The following SPATA13 variants were observed in gnomAD, a reference collection of about 807,000 sequenced individuals.
The protein encoded by SPATA13 is spermatogenesis associated 13.
In SPATA13, 50 loss-of-function variants were observed where a neutral mutation model predicts 104.0. That is an observed-to-expected ratio of 0.48 (90% CI 0.38 to 0.61). The LOEUF (loss-of-function observed/expected upper bound fraction) is 0.61. SPATA13 is among the 20% of genes least tolerant of loss of function. The pLI is 0.00. For missense variants in SPATA13, 1,524 were observed against 1,690.6 expected, an observed-to-expected ratio of 0.90 and a Z score of 1.73; for synonymous variants, 606 against 667.5, an observed-to-expected ratio of 0.91 and a Z score of 1.42.
intron 1 of SPATA13, among the ~76,000 whole-genome samples, chr13:24,196,456 A>C (rs1870062093): frequency 6.6e-6 from 1 of 152,212 alleles, no homozygotes; most frequent in African/African-American, 2.4e-5. Flanking sequence ...GTACTAGAAA[A>C]TGTTCCAATT....
At chr13:24,065,818 A>G (rs1409020) in intron 3 of SPATA13, among the ~76,000 whole-genome samples, 136,483 of 152,222 alleles carry the variant, frequency 0.9, 61,796 homozygotes, top group South Asian at 0.98. Flanking sequence ...TTCTCAACTA[A>G]GTTTTTAAAA....
chr13:24,068,305 A>G (rs1183314286), intron 3 of SPATA13, among the ~76,000 whole-genome samples: 3 of 152,110 alleles, frequency 2.0e-5, no homozygotes, highest in Non-Finnish European at 2.9e-5. Context: ...TGACCTCCCT[A>G]CAGAAGACAT....
At chr13:24,248,292 C>G (rs544085146) in intron 2 of SPATA13, among the ~76,000 whole-genome samples, 9 of 152,236 alleles carry the variant, frequency 5.9e-5, no homozygotes, top group Non-Finnish European at 1.3e-4. Context: ...ATTGTTGCGT[C>G]TCATCCTTCT....
rs75961756 is a variant in SPATA13, at chr13:24,092,947, G to A, written c.-112+75246G>A. The stretch of plus-strand genomic sequence containing the variant: ...TGTTTGGCATCTTCTCATTAACGTT[G>A]CAGATGACTATTTTCTTACACAGAG... On this transcript the variant is annotated intron_variant, in intron 3 of 14. Transcript: ENST00000424834. 9.0e-3 allele frequency among the ~76,000 whole-genome samples: 1,364 copies of A among 152,284 alleles called. 21 individuals carry two copies. The highest frequency in any genetic ancestry group is 0.067 in the East Asian group (346 of 5,186).
At chr13:24,026,735 G>A (rs1877233213) in intron 3 of SPATA13, among the ~76,000 whole-genome samples, 1 of 152,048 alleles carries the variant, frequency 6.6e-6, no homozygotes, top group Admixed American at 6.5e-5. Context: ...CCGCCACCAC[G>A]TCCAGCTAAT....
rs1016629501 is a variant in SPATA13, at chr13:24,194,285, A to G, written c.-111-28534A>G. The stretch of plus-strand genomic sequence containing the variant: ...TCCTGAATGTTGTTGCATCATTTCA[A>G]ATATATGACTTACAAAAGAAGAAAA... On this transcript the variant is annotated intron_variant, in intron 1 of 12. Transcript: ENST00000382108. 2.0e-5 allele frequency among the ~76,000 whole-genome samples: 3 copies of G among 152,232 alleles called. No homozygotes were observed. In the South Asian group the frequency reaches 6.2e-4, roughly 32 times the overall value.
intron 1 of SPATA13, among the ~76,000 whole-genome samples, chr13:24,189,313 T>A (rs1231236593): frequency 6.6e-6 from 1 of 151,374 alleles, no homozygotes; most frequent in African/African-American, 2.4e-5. Context: ...CTACTAGAAA[T>A]ACTAAAAGTT....
chr13:24,191,501 C>CTTT (rs57437676), intron 1 of SPATA13, among the ~76,000 whole-genome samples: 6 of 67,422 alleles, frequency 8.9e-5, no homozygotes, highest in African/African-American at 3.0e-4. Flanking sequence ...ACATTGCTTT[C>CTTT]TTTTTTTTTT....
At chr13:24,016,962 A>G (rs1301196419) in intron 2 of SPATA13, among the ~76,000 whole-genome samples, 1 of 152,206 alleles carries the variant, frequency 6.6e-6, no homozygotes, top group Admixed American at 6.5e-5. Context: ...GAGCCCATGG[A>G]GGGTGTGATG....
At chr13:24,112,793 G>A (rs559591872) in intron 3 of SPATA13, among the ~76,000 whole-genome samples, 7 of 152,248 alleles carry the variant, frequency 4.6e-5, no homozygotes, top group South Asian at 2.1e-4. Flanking sequence ...TCCATGTCTC[G>A]TAGTAGTATG....
intron 3 of SPATA13, among the ~76,000 whole-genome samples, chr13:24,045,228 A>G (rs1327625267): frequency 6.6e-6 from 1 of 152,172 alleles, no homozygotes; most frequent in Non-Finnish European, 1.5e-5. Flanking sequence ...ATTTCCTTTT[A>G]TCAGATAAGA....
chr13:24,082,268 C>T (rs145402091), intron 3 of SPATA13, among the ~76,000 whole-genome samples: 1,775 of 152,308 alleles, frequency 0.012, 68 homozygotes, highest in Admixed American at 0.082. Flanking sequence ...CGTAAGTGTT[C>T]TGTGGCAGGG....
At chr13:23,986,292 C>T (rs1875147124) in intron 2 of SPATA13, among the ~76,000 whole-genome samples, 1 of 152,110 alleles carries the variant, frequency 6.6e-6, no homozygotes, top group South Asian at 2.1e-4. Context: ...AAAATTGGGG[C>T]ATCTAAGAAT....
chr13:24,087,311 CT>C (rs963670673), intron 3 of SPATA13, among the ~76,000 whole-genome samples: 2 of 152,142 alleles, frequency 1.3e-5, no homozygotes, highest in Admixed American at 6.5e-5. Flanking sequence ...CCTGCACACT[CT>C]GCAAAGCATT....
intron 3 of SPATA13, among the ~76,000 whole-genome samples, chr13:24,039,753 A>T (rs1877844228): frequency 6.6e-6 from 1 of 152,106 alleles, no homozygotes; most frequent in Non-Finnish European, 1.5e-5. Flanking sequence ...GGTTGGGGGA[A>T]TTCTGTAGTT....
intron 1 of SPATA13, among the ~76,000 whole-genome samples, chr13:24,200,044 C>A (rs1472486121): frequency 6.6e-6 from 1 of 152,202 alleles, no homozygotes; most frequent in African/African-American, 2.4e-5. Flanking sequence ...GGTCCCTTCC[C>A]ATGGCTCTTG....
chr13:23,997,745 G>T lies in SPATA13; in HGVS notation c.-147+13812G>T, dbSNP rs540282188. On this transcript the variant is annotated intron_variant, in intron 2 of 14. Transcript: ENST00000424834. ...GGCAAGAGAGGGAACAAGGGAGTGA[G>T]GGGGAGGTGCCAGCCTCTATAAACA... Among the ~76,000 whole-genome samples the T allele has an allele frequency of 7.0e-4, 107 of 152,164 alleles. No individual in the cohort carries two copies. In the South Asian group the frequency reaches 0.021, roughly 30 times the overall value.
chr13:24,019,630 G>A (rs1452351533), intron 3 of SPATA13, among the ~76,000 whole-genome samples: 1 of 151,916 alleles, frequency 6.6e-6, no homozygotes, highest in Non-Finnish European at 1.5e-5. Flanking sequence ...CCTCTTGTGT[G>A]TACTTTATAA....
chr13:24,188,621 T>TG (rs1869308225), intron 1 of SPATA13, among the ~76,000 whole-genome samples: 1 of 152,172 alleles, frequency 6.6e-6, no homozygotes, highest in African/African-American at 2.4e-5. Context: ...AAGTGCAGGG[T>TG]GAAGCAGCAA....
Sources: gnomAD v4.1 joint callset for allele counts (sites outside exome capture counted in the v4.1 genomes callset) on GRCh38, gnomAD v4.1.1 for gene constraint, MANE v1.5 for transcripts, NCBI Gene and HGNC (gene_info 2026-07-23, HGNC 2026-07-21) for gene names.